CDH13: variants seen among roughly 807,000 people sequenced by gnomAD.
CDH13 encodes the protein cadherin-13.
A neutral mutation model predicts 63.8 loss-of-function variants in CDH13; 24 were observed. That is an observed-to-expected ratio of 0.38 (90% CI 0.27 to 0.53). CDH13 has a LOEUF of 0.53. CDH13 is among the 20% of genes least tolerant of loss of function. The pLI is 0.85. For missense variants in CDH13, 1,049 were observed against 903.1 expected, an observed-to-expected ratio of 1.16 and a Z score of -2.07; for synonymous variants, 503 against 355.3, an observed-to-expected ratio of 1.42 and a Z score of -4.67.
chr16:82,894,935 T>C (rs2041203452), intron 2 of CDH13, among the ~76,000 whole-genome samples: 1 of 151,974 alleles, frequency 6.6e-6, no homozygotes, highest in African/African-American at 2.4e-5. Flanking sequence ...AGGTGGCGGA[T>C]GGGAAAGGTG....
chr16:82,876,951 C>G (rs949129006), intron 2 of CDH13, among the ~76,000 whole-genome samples: 1 of 152,170 alleles, frequency 6.6e-6, no homozygotes, highest in African/African-American at 2.4e-5. Context: ...TCCCCCATTT[C>G]AAGCATGCAC....
At chr16:83,633,776 C>T (rs954475274) in intron 8 of CDH13, among the ~76,000 whole-genome samples, 10 of 152,116 alleles carry the variant, frequency 6.6e-5, no homozygotes, top group Admixed American at 5.2e-4. Flanking sequence ...GGTTCTGGGC[C>T]TGTACAGTCT....
At chr16:82,874,542 C>T (rs1390076419) in intron 2 of CDH13, among the ~76,000 whole-genome samples, 1 of 151,954 alleles carries the variant, frequency 6.6e-6, no homozygotes, top group Non-Finnish European at 1.5e-5. Flanking sequence ...TTAACTGTGC[C>T]TGTCAGCTGA....
chr16:83,500,951 C>G (rs1468719876), intron 7 of CDH13, among the ~76,000 whole-genome samples: 35 of 152,064 alleles, frequency 2.3e-4, no homozygotes, highest in Admixed American at 2.2e-3. Flanking sequence ...GAATCATGGC[C>G]TCCGTTAATG....
chr16:82,649,087 T>TAGAC (rs1555528840), intron 1 of CDH13, among the ~76,000 whole-genome samples: 2 of 151,836 alleles, frequency 1.3e-5, no homozygotes, highest in Admixed American at 6.5e-5. Flanking sequence ...TAAATATAGT[T>TAGAC]AGAGAGTGAG....
At chr16:83,564,406 T>G (rs79098026) in intron 7 of CDH13, among the ~76,000 whole-genome samples, 13,059 of 30,548 alleles carry the variant, frequency 0.43, 1,029 homozygotes, top group South Asian at 0.51. Context: ...CTCTTTTTTT[T>G]TTTTTTTTTG....
At chr16:83,039,787 A>G (rs1340272494) in intron 3 of CDH13, among the ~76,000 whole-genome samples, 3 of 152,032 alleles carry the variant, frequency 2.0e-5, no homozygotes, top group Non-Finnish European at 4.4e-5. Context: ...GGTTTCTTGA[A>G]TTGGCCAAGC....
intron 7 of CDH13, among the ~76,000 whole-genome samples, chr16:83,544,846 T>C (rs1156518279): frequency 1.3e-5 from 2 of 152,202 alleles, no homozygotes; most frequent in East Asian, 1.9e-4. Flanking sequence ...GATTAAAAGA[T>C]ACAAAATACA....
chr16:83,529,369 G>A (rs1305421022), intron 7 of CDH13, among the ~76,000 whole-genome samples: 1 of 152,036 alleles, frequency 6.6e-6, no homozygotes, highest in Non-Finnish European at 1.5e-5. Flanking sequence ...CTTAATATTT[G>A]AGTTTATATG....
At chr16:83,701,363 C>T (rs1488287289) in intron 10 of CDH13, among the ~76,000 whole-genome samples, 1 of 152,158 alleles carries the variant, frequency 6.6e-6, no homozygotes, top group Non-Finnish European at 1.5e-5. Flanking sequence ...TTCTAAATGA[C>T]ATATTTGTAT....
chr16:82,657,462 G>A (rs780188325), intron 1 of CDH13, among the ~76,000 whole-genome samples: 1 of 152,164 alleles, frequency 6.6e-6, no homozygotes, highest in African/African-American at 2.4e-5. Flanking sequence ...CGGCAGGATG[G>A]AGTGGGATGA....
At chr16:82,749,914 A>T (rs116238824) in intron 1 of CDH13, among the ~76,000 whole-genome samples, 103 of 152,290 alleles carry the variant, frequency 6.8e-4, no homozygotes, top group African/African-American at 2.4e-3. Flanking sequence ...AAAAAAATGT[A>T]TAAGTTGAAG....
At chr16:83,382,809 C>G (rs1051745729) in intron 6 of CDH13, among the ~76,000 whole-genome samples, 1 of 152,128 alleles carries the variant, frequency 6.6e-6, no homozygotes, top group African/African-American at 2.4e-5. Flanking sequence ...ACCAATGGTT[C>G]TCATCTGGAG....
At chr16:83,171,157 T>A (rs2037898955) in intron 4 of CDH13, among the ~76,000 whole-genome samples, 1 of 152,056 alleles carries the variant, frequency 6.6e-6, no homozygotes, top group Non-Finnish European at 1.5e-5. Flanking sequence ...CTTAGGAAAC[T>A]TATAGTCATG....
At chr16:82,902,436 A>T (rs2041502564) in intron 2 of CDH13, among the ~76,000 whole-genome samples, 1 of 151,096 alleles carries the variant, frequency 6.6e-6, no homozygotes, top group South Asian at 2.1e-4. Flanking sequence ...TTTTGCCAGG[A>T]TACATTGGTC....
chr16:83,420,610 G>T (rs2071686796), intron 6 of CDH13, among the ~76,000 whole-genome samples: 1 of 152,126 alleles, frequency 6.6e-6, no homozygotes. Context: ...TTCTGCAGAG[G>T]GACAGAGCTA....
chr16:83,737,556 T>C (rs1291438044), intron 10 of CDH13, among the ~76,000 whole-genome samples: 2 of 152,208 alleles, frequency 1.3e-5, no homozygotes, highest in African/African-American at 4.8e-5. Flanking sequence ...CAGTCCTATG[T>C]TCCTGAGTTA....
At chr16:83,648,430 T>C (rs1486770494) in intron 8 of CDH13, among the ~76,000 whole-genome samples, 1 of 152,184 alleles carries the variant, frequency 6.6e-6, no homozygotes, top group Non-Finnish European at 1.5e-5. Context: ...TGCAGAGGCA[T>C]CACCGTGACT....
chr16:82,842,988 C>T (rs1274057777), intron 1 of CDH13, among the ~76,000 whole-genome samples: 1 of 152,154 alleles, frequency 6.6e-6, no homozygotes, highest in Non-Finnish European at 1.5e-5. Context: ...GCTATAAATA[C>T]AGACGCAGCT....
Sources: gnomAD v4.1 joint callset for allele counts (sites outside exome capture counted in the v4.1 genomes callset) on GRCh38, gnomAD v4.1.1 for gene constraint, MANE v1.5 for transcripts, NCBI Gene and HGNC (gene_info 2026-07-23, HGNC 2026-07-21) for gene names.